Variants in ZNF718 observed in about 807,000 individuals in gnomAD.
ZNF718 encodes the protein zinc finger protein 718.
A neutral mutation model predicts 2.6 loss-of-function variants in ZNF718; 3 were observed. That is an observed-to-expected ratio of 1.16 (90% CI 0.53 to 3.01). The LOEUF (loss-of-function observed/expected upper bound fraction) is 3.01, where lower values mean the gene tolerates loss of function less well. Among genes scored for constraint, ZNF718 ranks in the 30% most tolerant of loss-of-function variants. The pLI, the probability that ZNF718 is intolerant of heterozygous loss-of-function variation, is 0.03. For missense variants in ZNF718, 468 were observed against 230.0 expected, an observed-to-expected ratio of 2.03 and a Z score of -6.69; for synonymous variants, 135 against 77.9, an observed-to-expected ratio of 1.73 and a Z score of -3.86.
At chr4:168,721 C>T (rs2108808839), downstream of ZNF718, among the ~76,000 whole-genome samples, 1 of 152,082 alleles carries the variant, frequency 6.6e-6, no homozygotes, top group African/African-American at 2.4e-5. Flanking sequence ...TTTTTTATTG[C>T]ATCTATTTGA....
intron 1 of ZNF718, 43 bp from the exon 2 acceptor site, chr4:130,741 TAAAA>T: frequency 1.3e-5 from 3 of 225,658 alleles, no homozygotes; most frequent in Non-Finnish European, 2.4e-5. Context: ...GACTCCGTAT[TAAAA>T]AAAAAAAAAG....
At chr4:173,299 A>T (rs1717277158) in intron 3 of ZNF718, among the ~76,000 whole-genome samples, 1 of 152,118 alleles carries the variant, frequency 6.6e-6, no homozygotes, top group Non-Finnish European at 1.5e-5. Context: ...GTATACTCTG[A>T]TTTTATTACC....
intron 3 of ZNF718, among the ~76,000 whole-genome samples, chr4:153,207 C>A (rs1054151335): frequency 2.0e-4 from 31 of 151,922 alleles, no homozygotes; most frequent in Non-Finnish European, 3.7e-4. Flanking sequence ...TTCTAGACAT[C>A]TTTGTTTAAA....
At chr4:164,704 G>A (rs1407922236), downstream of ZNF718, among the ~76,000 whole-genome samples, 1 of 152,000 alleles carries the variant, frequency 6.6e-6, no homozygotes, top group East Asian at 1.9e-4. Context: ...TGTTTAATTG[G>A]GGAACCATAT....
In ZNF718 at chr4:124,914, A is replaced by G. The variant is rs28818535; in HGVS notation, c.3+241A>G. On this transcript the variant is annotated intron_variant, in intron 1 of 3. Coordinates refer to ENST00000510175, the MANE Select transcript of ZNF718 (RefSeq NM_001039127.6). ...ACTTTCCCCGGGCTGTGGAGTGAGT[A>G]GGAGCTCATCCGGAAGACACCGCGG... 2,462 of 474,082 alleles carry G rather than the reference A, an allele frequency of 5.2e-3. 53 individuals carry two copies. The highest frequency in any genetic ancestry group is 0.046 in the African/African-American group (2,272 of 49,770). 29.4% of individuals were successfully genotyped at this position (474,082 alleles called of 1,614,324 possible).
chr4:130,546 G>A (rs1715324138), intron 1 of ZNF718, among the ~76,000 whole-genome samples: 1 of 102,222 alleles, frequency 9.8e-6, no homozygotes, highest in Non-Finnish European at 2.2e-5. Flanking sequence ...AGAAGATGGA[G>A]ACCATCCTGG....
chr4:124,548 T>C lies in ZNF718; in HGVS notation c.-123T>C. On this transcript the variant is annotated 5_prime_UTR_variant, in exon 1 of 4. Transcript: ENST00000510175. ...CAGAGCTCGGTTAGGGCCTCATCGC[T>C]CTGCTCCCGCTCCTTAGGGAAGCCT... 8 of 1,428,550 alleles carry C rather than the reference T, an allele frequency of 5.6e-6. No homozygotes were observed. The highest frequency in any genetic ancestry group is 7.8e-6 in the Non-Finnish European group (8 of 1,028,900). The allele number at this position is 1,428,550 out of a possible 1,614,324, so 88.5% of individuals were successfully genotyped here.
chr4:151,306 G>A (rs903871361), intron 3 of ZNF718, among the ~76,000 whole-genome samples: 7 of 151,436 alleles, frequency 4.6e-5, no homozygotes, highest in Non-Finnish European at 8.8e-5. Flanking sequence ...GGGTTTCACC[G>A]TGTTGCCCAG....
intron 3 of ZNF718, chr4:136,333 G>A: frequency 1.9e-6 from 1 of 519,180 alleles, no homozygotes; most frequent in African/African-American, 1.9e-5. Context: ...CTGCTTCAGG[G>A]AACATAGCTG....
chr4:136,550 G>C, intron 3 of ZNF718: 1 of 494,384 alleles, frequency 2.0e-6, no homozygotes, highest in Admixed American at 2.2e-5. Flanking sequence ...TGGCCACCTG[G>C]GTGAGGCCCT....
In ZNF718 at chr4:133,195, AATATAT is replaced by A. The variant is rs1164522262; in HGVS notation, c.226+1719_226+1724del. Among the ~76,000 whole-genome samples, 77 of 20,746 alleles carry A rather than the reference AATATAT, an allele frequency of 3.7e-3. 6 individuals are homozygous for A. The highest frequency in any genetic ancestry group is 5.9e-3 in the African/African-American group (35 of 5,956). The allele number at this position is 20,746 out of a possible 152,430, so 13.6% of individuals were successfully genotyped here. On this transcript the variant is annotated intron_variant, in intron 3 of 3. Coordinates refer to ENST00000510175, the MANE Select transcript of ZNF718 (RefSeq NM_001039127.6). ...TCCATCTTAAAAAAAAAAAAAAAAA[AATATAT>A]ATATATATATATATATATATATATA... is the stretch of plus-strand genomic sequence containing the variant.
intron 3 of ZNF718, among the ~76,000 whole-genome samples, chr4:155,074 G>A (rs370293654): frequency 2.8e-4 from 42 of 152,324 alleles, no homozygotes; most frequent in African/African-American, 9.1e-4. Context: ...GGTTCCATGT[G>A]ATCTTGAGCC....
chr4:185,148 G>T (rs1560131450), intron 3 of ZNF718, among the ~76,000 whole-genome samples: 1 of 152,030 alleles, frequency 6.6e-6, no homozygotes, highest in Non-Finnish European at 1.5e-5. Context: ...AGTGCTGTAA[G>T]TTTTTCTCTT....
At chr4:182,271 C>T (rs1717481826) in intron 3 of ZNF718, among the ~76,000 whole-genome samples, 1 of 152,182 alleles carries the variant, frequency 6.6e-6, no homozygotes, top group East Asian at 1.9e-4. Flanking sequence ...AACTAATTTA[C>T]ACTCTCACCA....
intron 3 of ZNF718, among the ~76,000 whole-genome samples, chr4:152,921 T>C (rs1157713329): frequency 7.5e-6 from 1 of 133,162 alleles, no homozygotes; most frequent in Non-Finnish European, 1.7e-5. Context: ...AAAACATTTT[T>C]AGTTTTTTGT....
intron 3 of ZNF718, among the ~76,000 whole-genome samples, chr4:174,094 C>T (rs1042830724): frequency 6.6e-6 from 1 of 152,108 alleles, no homozygotes; most frequent in African/African-American, 2.4e-5. Flanking sequence ...AGATAAATTC[C>T]TCTACATTCC....
chr4:147,684 T>C (rs2108792616), intron 3 of ZNF718, among the ~76,000 whole-genome samples: 1 of 151,736 alleles, frequency 6.6e-6, no homozygotes, highest in African/African-American at 2.4e-5. Context: ...GGCAACATGG[T>C]GAAACCCCGT....
intron 3 of ZNF718, among the ~76,000 whole-genome samples, chr4:157,103 C>CTTTTTTTTTTTTTTTTTTTTTTTTT (rs199814257): frequency 9.7e-6 from 1 of 103,150 alleles, no homozygotes; most frequent in Non-Finnish European, 1.9e-5. Flanking sequence ...TTCTTTCTTT[C>CTTTTTTTTTTTTTTTTTTTTTTTTT]TTTTTTTTTT....
At chr4:169,904 T>A (rs1466633340) in intron 3 of ZNF718, among the ~76,000 whole-genome samples, 2 of 151,796 alleles carry the variant, frequency 1.3e-5, no homozygotes, top group African/African-American at 4.8e-5. Context: ...TGTTAGCTGG[T>A]TATTTTGCTC....
Sources: allele counts gnomAD v4.1 joint callset (sites outside exome capture counted in the v4.1 genomes callset), GRCh38; gene constraint gnomAD v4.1.1; transcripts MANE v1.5; gene names NCBI Gene and HGNC (gene_info 2026-07-23, HGNC 2026-07-21).